The following TNFSF4 variants were observed in gnomAD, a reference collection of about 807,000 sequenced individuals.
TNFSF4 encodes the protein TNF superfamily member 4, also known as tumor necrosis factor ligand superfamily member 4.
Under a neutral mutation model 7.3 loss-of-function variants are expected in TNFSF4, and 4 were observed. The ratio of observed to expected loss-of-function variants is 0.55; its 90% CI spans 0.27 to 1.25. TNFSF4 has a LOEUF of 1.25. TNFSF4 is among the 50% of genes most tolerant of loss of function. The pLI is 0.12. For missense variants in TNFSF4, 181 were observed against 208.8 expected (o/e 0.87, Z 0.82); for synonymous variants, 76 against 83.7 (o/e 0.91, Z 0.50).
chr1:173,364,789 G>A, the TNFSF4 span, among the ~76,000 whole-genome samples: 2 of 152,096 alleles, frequency 1.3e-5, no homozygotes, highest in African/African-American at 4.8e-5. Context: ...AACTGTTCAA[G>A]GGGATCTAAA....
intron 2 of TNFSF4, 84 bp downstream of exon 2, chr1:173,188,437 A>C (rs941922339): frequency 4.1e-5 from 44 of 1,079,202 alleles, no homozygotes; most frequent in Non-Finnish European, 5.9e-5. Flanking sequence ...AAAAGAAGAG[A>C]TCTTGTGTTC....
the TNFSF4 span, among the ~76,000 whole-genome samples, chr1:173,382,370 A>G: frequency 6.6e-6 from 1 of 152,132 alleles, no homozygotes; most frequent in Non-Finnish European, 1.5e-5. Context: ...AGGAACTCTA[A>G]CACTCACCGT....
At chr1:173,176,151 A>G in the TNFSF4 span, among the ~76,000 whole-genome samples, 2 of 152,160 alleles carry the variant, frequency 1.3e-5, no homozygotes, top group African/African-American at 4.8e-5. Context: ...GTGGGTACAT[A>G]ATTATAATTT....
chr1:173,289,685 T>C, the TNFSF4 span, among the ~76,000 whole-genome samples: 1 of 151,696 alleles, frequency 6.6e-6, no homozygotes, highest in Non-Finnish European at 1.5e-5. Flanking sequence ...AAGAGTAAAA[T>C]AGACGATTAA....
At chr1:173,286,478 A>G in the TNFSF4 span, among the ~76,000 whole-genome samples, 1 of 152,200 alleles carries the variant, frequency 6.6e-6, no homozygotes, top group East Asian at 1.9e-4. Flanking sequence ...TTTGTGTCAA[A>G]GACACTAATT....
At chr1:173,292,616 C>T in the TNFSF4 span, among the ~76,000 whole-genome samples, 27 of 150,762 alleles carry the variant, frequency 1.8e-4, no homozygotes, top group African/African-American at 5.4e-4. Context: ...ATCTATTCAA[C>T]GTAGTACTGG....
chr1:173,235,450 C>T, the TNFSF4 span, among the ~76,000 whole-genome samples: 21 of 152,214 alleles, frequency 1.4e-4, no homozygotes, highest in African/African-American at 4.8e-4. Flanking sequence ...TCCCAGTGCA[C>T]AGGTGGGCCC....
chr1:173,304,152 A>C, the TNFSF4 span, among the ~76,000 whole-genome samples: 223 of 152,094 alleles, frequency 1.5e-3, 1 homozygote, highest in Middle Eastern at 3.4e-3. Flanking sequence ...ACATAAAATA[A>C]GTATTCATTT....
the TNFSF4 span, among the ~76,000 whole-genome samples, chr1:173,328,650 T>C: frequency 2.0e-5 from 3 of 151,824 alleles, no homozygotes; most frequent in Non-Finnish European, 4.4e-5. Flanking sequence ...ACCTGCACAT[T>C]CTGCACATGC....
chr1:173,293,649 AG>A, the TNFSF4 span, among the ~76,000 whole-genome samples: 2 of 152,156 alleles, frequency 1.3e-5, no homozygotes, highest in Non-Finnish European at 2.9e-5. Context: ...GCTTCTGCAC[AG>A]CAAAAGAAAC....
the TNFSF4 span, among the ~76,000 whole-genome samples, chr1:173,331,474 T>C: frequency 6.0e-3 from 919 of 152,250 alleles, 4 homozygotes; most frequent in Non-Finnish European, 0.01. Context: ...AACTAGACAC[T>C]TCAGAAAGGA....
chr1:173,384,922 G>A, the TNFSF4 span, among the ~76,000 whole-genome samples: 1 of 152,084 alleles, frequency 6.6e-6, no homozygotes, highest in Non-Finnish European at 1.5e-5. Flanking sequence ...TCATAAAAAT[G>A]GGTATATAGT....
the TNFSF4 span, among the ~76,000 whole-genome samples, chr1:173,250,850 T>C: frequency 2.6e-5 from 4 of 152,264 alleles, no homozygotes; most frequent in Non-Finnish European, 5.9e-5. Context: ...TAAGATCAAA[T>C]GTCTATTGAG....
chr1:173,238,430 G>T, the TNFSF4 span, among the ~76,000 whole-genome samples: 9 of 152,202 alleles, frequency 5.9e-5, no homozygotes, highest in African/African-American at 2.2e-4. Context: ...GAACTAACAA[G>T]CTTCTTCACA....
chr1:173,368,546 C>T, the TNFSF4 span, among the ~76,000 whole-genome samples: 27 of 152,264 alleles, frequency 1.8e-4, no homozygotes, highest in Admixed American at 8.5e-4. Context: ...ACTAAAGACA[C>T]GGGTGTCAGG....
chr1:173,258,620 G>A, the TNFSF4 span, among the ~76,000 whole-genome samples: 1 of 152,216 alleles, frequency 6.6e-6, no homozygotes. Context: ...AGTTCCCGGG[G>A]TGAGAGGAGC....
chr1:173,244,760 T>C, the TNFSF4 span, among the ~76,000 whole-genome samples: 820 of 152,186 alleles, frequency 5.4e-3, 6 homozygotes, highest in African/African-American at 0.018. Context: ...GACCTTTGGA[T>C]ATGCATACAC....
chr1:173,224,959 T>G, the TNFSF4 span, among the ~76,000 whole-genome samples: 1 of 152,138 alleles, frequency 6.6e-6, no homozygotes, highest in Non-Finnish European at 1.5e-5. Flanking sequence ...GGTAATCATC[T>G]CCCCTTCCTC....
At chr1:173,409,512 A>G in the TNFSF4 span, among the ~76,000 whole-genome samples, 1 of 152,230 alleles carries the variant, frequency 6.6e-6, no homozygotes, top group Non-Finnish European at 1.5e-5. Flanking sequence ...CAGTTCAGAA[A>G]AAAAAGTCAT....
Sources: allele counts gnomAD v4.1 joint callset (sites outside exome capture counted in the v4.1 genomes callset), GRCh38; gene constraint gnomAD v4.1.1; transcripts MANE v1.5; gene names NCBI Gene and HGNC (gene_info 2026-07-23, HGNC 2026-07-21).